ARNT: variants seen among roughly 807,000 people sequenced by gnomAD.
ARNT encodes aryl hydrocarbon receptor nuclear translocator.
Under a neutral mutation model 105.0 loss-of-function variants are expected in ARNT, and 30 were observed. That is an observed-to-expected ratio of 0.29 (90% confidence interval 0.21 to 0.39). The LOEUF is 0.39. Ranked by LOEUF, ARNT falls within the 10% of genes least tolerant of loss-of-function variation. The pLI, the probability that ARNT is intolerant of heterozygous loss-of-function variation, is 1.00. For missense variants in ARNT, 748 were observed against 978.7 expected, an observed-to-expected ratio of 0.76 and a Z score of 3.15; for synonymous variants, 304 against 344.0, an observed-to-expected ratio of 0.88 and a Z score of 1.29.
intron 13 of ARNT, among the ~76,000 whole-genome samples, chr1:150,824,994 T>C (rs1234655662): frequency 6.6e-6 from 1 of 152,072 alleles, no homozygotes; most frequent in Non-Finnish European, 1.5e-5. Context: ...CCCAAGTAGC[T>C]GGGACTACAG....
intron 3 of ARNT, among the ~76,000 whole-genome samples, chr1:150,851,532 G>A (rs1174485675): frequency 1.3e-5 from 2 of 152,262 alleles, no homozygotes; most frequent in African/African-American, 2.4e-5. Context: ...CTTCTGCCTT[G>A]GGATGCTGTT....
rs917714533 is a variant in ARNT, at chr1:150,810,435, G to T, written c.*1586C>A. The T allele has an allele frequency of 4.5e-6, 1 of 222,498 alleles. No individual in the cohort carries two copies. Among genetic ancestry groups the T allele is most frequent in the Non-Finnish European group, 9.0e-6 (1 of 111,140 alleles). The allele number at this position is 222,498 out of a possible 1,614,324, so 13.8% of individuals were successfully genotyped here. ...TATGTATACTGTAAGTGTGCACATA[G>T]AATAAAAAAATAAACTGTCTCCTTT... On this transcript the variant is annotated 3_prime_UTR_variant, in exon 22 of 22. Transcript: ENST00000358595.
chr1:150,834,421 G>T, intron 8 of ARNT, 117 bp downstream of exon 8: 2 of 943,392 alleles, frequency 2.1e-6, no homozygotes, highest in Non-Finnish European at 3.3e-6. Context: ...AATCCATCTG[G>T]GTATGGAGAG....
intron 2 of ARNT, among the ~76,000 whole-genome samples, chr1:150,854,380 A>C (rs1664172724): frequency 6.7e-6 from 1 of 150,330 alleles, no homozygotes; most frequent in Middle Eastern, 3.2e-3. Flanking sequence ...CAACACGGTG[A>C]AATCCCGTCT....
At position 150,852,930 on chromosome 1, in the gene ARNT, C is replaced by A; in HGVS notation, c.138-124G>T. ...ATGGAAGAATGGAAAGAGGAAGTGG[C>A]AGAAGTCAAACAAAGCTACATTTCC... On this transcript the variant is annotated intron_variant, in intron 2 of 21. Transcript: ENST00000358595. 2.5e-6 allele frequency: 3 copies of A among 1,218,762 alleles called. No individual in the cohort carries two copies. In the South Asian group the frequency reaches 3.9e-5, roughly 16 times the overall value. 75.5% of individuals were successfully genotyped at this position (1,218,762 alleles called of 1,614,324 possible). A position where few individuals can be genotyped will look rare whatever the true frequency, so the allele number is the denominator to read the frequency against.
chr1:150,813,706 G>A (rs906922894), intron 20 of ARNT, among the ~76,000 whole-genome samples: 4 of 151,430 alleles, frequency 2.6e-5, no homozygotes, highest in South Asian at 2.1e-4. Context: ...GTGCAAAGGC[G>A]CGATCTCAGC....
chr1:150,816,856 A>T lies in ARNT; in HGVS notation c.1734T>A (p.Pro578=). ...CCTGGGAGAATAGCTGTTGGGTGGC[A>T]GGGACAGTGCTGGAGGAGATGCCTT... The part of the protein sequence containing the change: ...QSKGISSSTV[P]ATQQLFSQGN... The change falls in exon 18 of 22, where the codon CCT becomes CCA. Residue 578 remains proline, a synonymous_variant. Coordinates refer to ENST00000358595, the MANE Select transcript of ARNT (RefSeq NM_001668.4). The T allele has an allele frequency of 6.3e-7, 1 of 1,592,828 alleles. No homozygotes were observed. Among genetic ancestry groups the T allele is most frequent in the Non-Finnish European group, 8.5e-7 (1 of 1,174,932 alleles).
Position 150,858,480 on chromosome 1 carries a change from G to GTAA in ARNT, c.26-23_26-21dup, listed in dbSNP as rs765502857. On this transcript the variant is annotated intron_variant, in intron 1 of 21. Coordinates refer to ENST00000358595, the MANE Select transcript of ARNT (RefSeq NM_001668.4). ...TCATTTCTGTCAGGAAAATAATGAA[G>GTAA]TAAACATTTTTAAAAAGACAGTCCT... The GTAA allele has an allele frequency of 2.6e-6, 4 of 1,549,278 alleles. No individual in the cohort carries two copies. Among genetic ancestry groups the GTAA allele is most frequent in the East Asian group, 4.5e-5 (2 of 44,194 alleles).
rs370977043 is a variant in ARNT, at chr1:150,864,489, A to G, written c.26-6029T>C. ...GACATGGACGAAATTGGAAATCATCATTCTCAGTAAACTATCGCAAGATCA... is the reference window on the plus strand; with the variant it reads ...GACATGGACGAAATTGGAAATCATCGTTCTCAGTAAACTATCGCAAGATCA... On this transcript the variant is annotated intron_variant, in intron 1 of 21. Transcript: ENST00000358595. Among the ~76,000 whole-genome samples the G allele has an allele frequency of 3.3e-5, 5 of 151,852 alleles. No homozygotes were observed. The East Asian group carries it at 7.8e-4, about 24-fold the overall frequency.
chr1:150,845,817 G>A (rs894845823), intron 4 of ARNT, among the ~76,000 whole-genome samples: 4 of 152,114 alleles, frequency 2.6e-5, no homozygotes, highest in African/African-American at 4.8e-5. Flanking sequence ...CAGGAGAATC[G>A]CTTGAACCCA....
intron 3 of ARNT, among the ~76,000 whole-genome samples, chr1:150,849,360 A>T (rs1246077871): frequency 6.6e-6 from 1 of 152,242 alleles, no homozygotes; most frequent in African/African-American, 2.4e-5. Context: ...GAAAGAAAAA[A>T]AGCAGATTGC....
intron 3 of ARNT, among the ~76,000 whole-genome samples, chr1:150,850,615 G>A (rs921133098): frequency 2.0e-5 from 3 of 152,184 alleles, no homozygotes; most frequent in Admixed American, 6.5e-5. Context: ...GTGCAGTGGC[G>A]TGATCTCGGC....
chr1:150,868,415 C>T (rs924926213), intron 1 of ARNT, among the ~76,000 whole-genome samples: 5 of 152,136 alleles, frequency 3.3e-5, no homozygotes, highest in Non-Finnish European at 5.9e-5. Context: ...AAAGAAGGAA[C>T]AATCAGTGAT....
intron 4 of ARNT, among the ~76,000 whole-genome samples, chr1:150,844,431 C>G (rs1017487786): frequency 6.6e-6 from 1 of 152,104 alleles, no homozygotes; most frequent in Admixed American, 6.6e-5. Flanking sequence ...TAATTCAAAG[C>G]CTGAGATTGC....
intron 19 of ARNT, among the ~76,000 whole-genome samples, chr1:150,814,919 T>C (rs587643428): frequency 6.6e-6 from 1 of 152,356 alleles, no homozygotes; most frequent in South Asian, 2.1e-4. Flanking sequence ...TCTGCATTCA[T>C]TTGTTCCTAA....
intron 14 of ARNT, among the ~76,000 whole-genome samples, chr1:150,821,956 G>C (rs1657192351): frequency 6.7e-6 from 1 of 149,302 alleles, no homozygotes; most frequent in African/African-American, 2.5e-5. Flanking sequence ...AAGTGATAAA[G>C]TGATGGGATT....
At chr1:150,861,328 G>GA (rs1665597911) in intron 1 of ARNT, 1 of 387,644 alleles carries the variant, frequency 2.6e-6, no homozygotes, top group Non-Finnish European at 4.9e-6. Context: ...AGACAACATC[G>GA]CAAAAAAAAA....
intron 4 of ARNT, among the ~76,000 whole-genome samples, chr1:150,845,745 T>C (rs587620187): frequency 6.6e-6 from 1 of 151,918 alleles, no homozygotes; most frequent in East Asian, 1.9e-4. Context: ...CTACTAAAAA[T>C]ACAAAAATTA....
At chr1:150,816,913 G>A (rs1656004247) in intron 17 of ARNT, 23 bp from the exon 18 acceptor site, 1 of 1,606,590 alleles carries the variant, frequency 6.2e-7, no homozygotes, top group Non-Finnish European at 8.5e-7. Context: ...AGGAGTTGGG[G>A]AAGGGCCAGT....
Sources: gnomAD v4.1 joint callset for allele counts (sites outside exome capture counted in the v4.1 genomes callset) on GRCh38, gnomAD v4.1.1 for gene constraint, MANE v1.5 for transcripts, NCBI Gene and HGNC (gene_info 2026-07-23, HGNC 2026-07-21) for gene names.